The following GBA1 variants were observed in gnomAD, a reference collection of about 807,000 sequenced individuals.
GBA1 encodes glucosylceramidase beta 1.
chr1:155,237,757 CT>C, the GBA1 span, among the ~76,000 whole-genome samples: 2 of 152,000 alleles, frequency 1.3e-5, no homozygotes, highest in East Asian at 3.9e-4. Context: ...GAAAAATCAG[CT>C]GGGCCTGGTG....
chr1:155,243,811 C>T, the GBA1 span, among the ~76,000 whole-genome samples: 1 of 151,312 alleles, frequency 6.6e-6, no homozygotes, highest in Non-Finnish European at 1.5e-5. Flanking sequence ...GTATCTCTGT[C>T]ACCCAGGCTG....
At chr1:155,237,113 A>T in the GBA1 span, among the ~76,000 whole-genome samples, 1 of 151,388 alleles carries the variant, frequency 6.6e-6, no homozygotes, top group African/African-American at 2.4e-5. Flanking sequence ...TCAGGTGATC[A>T]CCCGCCTCGG....
chr1:155,236,543 C>G, the GBA1 span: 1 of 1,257,906 alleles, frequency 7.9e-7, no homozygotes, highest in Non-Finnish European at 1.2e-6. Flanking sequence ...TTGTAGGAAT[C>G]CTGGAGTTGG....
At chr1:155,236,779 GTGTGTGTGTATATA>G in the GBA1 span, among the ~76,000 whole-genome samples, 1 of 151,716 alleles carries the variant, frequency 6.6e-6, no homozygotes, top group Non-Finnish European at 1.5e-5. Context: ...GTATGTATGT[GTGTGTGTGTATATA>G]TATATACATA....
chr1:155,236,204 C>T, the GBA1 span: 1 of 1,535,704 alleles, frequency 6.5e-7, no homozygotes. Context: ...AGTAAGAGGT[C>T]TGAGGTCTGC....
chr1:155,236,184 T>C, the GBA1 span: 1 of 1,412,644 alleles, frequency 7.1e-7, no homozygotes, highest in Non-Finnish European at 9.9e-7. Flanking sequence ...TGTCAGTCTT[T>C]GGTGAAACTA....
At chr1:155,240,569 A>G in the GBA1 span, 2 of 1,320,888 alleles carry the variant, frequency 1.5e-6, no homozygotes, top group Non-Finnish European at 1.1e-6. Flanking sequence ...GAAGGCTACC[A>G]AAGGACTATG....
chr1:155,240,802 G>T, the GBA1 span: 18 of 1,199,932 alleles, frequency 1.5e-5, no homozygotes, highest in Non-Finnish European at 2.1e-5. Flanking sequence ...GCTGCCTTTG[G>T]GTGCCCATGG....
the GBA1 span, chr1:155,244,301 G>A: frequency 6.6e-6 from 1 of 152,184 alleles, no homozygotes; most frequent in Non-Finnish European, 1.5e-5. Context: ...TTGGGAGGCT[G>A]AGGTCGGAGA....
the GBA1 span, chr1:155,238,788 G>C: frequency 7.2e-7 from 1 of 1,398,550 alleles, no homozygotes; most frequent in Non-Finnish European, 1.0e-6. Context: ...ACCTGTGGAG[G>C]CTGGCACCTG....
At chr1:155,238,076 G>C in the GBA1 span, 1 of 1,566,754 alleles carries the variant, frequency 6.4e-7, no homozygotes, top group East Asian at 2.2e-5. Flanking sequence ...TTGGGACACA[G>C]ATCAGCATGG....
At chr1:155,237,692 C>G in the GBA1 span, 2 of 1,558,380 alleles carry the variant, frequency 1.3e-6, no homozygotes, top group Non-Finnish European at 1.7e-6. Flanking sequence ...AGGTGGATCA[C>G]TTGAGTTCAG....
chr1:155,235,406 C>G, the GBA1 span: 1 of 1,563,114 alleles, frequency 6.4e-7, no homozygotes, highest in East Asian at 2.4e-5. Context: ...CCCCATAACT[C>G]CTGCAGAGGC....
At chr1:155,241,010 T>C in the GBA1 span, 1 of 1,345,528 alleles carries the variant, frequency 7.4e-7, no homozygotes, top group Non-Finnish European at 1.1e-6. Flanking sequence ...TCAAAGAGAG[T>C]CTGTCATTCA....
the GBA1 span, chr1:155,241,349 T>C: frequency 1.6e-6 from 1 of 612,510 alleles, no homozygotes; most frequent in South Asian, 2.0e-5. Context: ...ATTGGCTTCC[T>C]CTCATCTGTT....
chr1:155,239,551 A>T, the GBA1 span: 2 of 1,583,316 alleles, frequency 1.3e-6, no homozygotes, highest in Non-Finnish European at 1.7e-6. Flanking sequence ...AAAAAATTTT[A>T]AAAAAAGAAA....
the GBA1 span, chr1:155,238,976 TG>T: frequency 1.1e-5 from 4 of 373,216 alleles, no homozygotes; most frequent in Admixed American, 7.4e-5. Flanking sequence ...CCCAGCACTT[TG>T]GGAGGCCGAT....
the GBA1 span, chr1:155,240,216 C>T: frequency 1.3e-6 from 1 of 755,362 alleles, no homozygotes; most frequent in Non-Finnish European, 2.2e-6. Flanking sequence ...GTAATCCTAG[C>T]ACTTTAGGAG....
the GBA1 span, chr1:155,239,767 G>A: frequency 2.5e-6 from 4 of 1,613,908 alleles, no homozygotes; most frequent in Admixed American, 3.3e-5. Context: ...GCAGGCCTGA[G>A]GACATCCACA....
Sources: allele counts gnomAD v4.1 joint callset (sites outside exome capture counted in the v4.1 genomes callset), GRCh38; gene constraint gnomAD v4.1.1; transcripts MANE v1.5; gene names NCBI Gene and HGNC (gene_info 2026-07-23, HGNC 2026-07-21).